Variants in PTPRG observed in about 807,000 individuals in gnomAD.
PTPRG encodes receptor-type tyrosine-protein phosphatase gamma.
Under a neutral mutation model 165.3 loss-of-function variants are expected in PTPRG, and 102 were observed. That is an observed-to-expected ratio of 0.62 (90% CI 0.53 to 0.73). The LOEUF is 0.73. Among genes scored for constraint, PTPRG ranks in the 30% least tolerant of loss-of-function variants. PTPRG has a pLI of 0.00. For missense variants in PTPRG, 1,866 were observed against 1,861.4 expected (o/e 1.00, Z -0.05); for synonymous variants, 675 against 669.5 (o/e 1.01, Z -0.13).
intron 2 of PTPRG, among the ~76,000 whole-genome samples, chr3:61,975,438 C>G (rs992180794): frequency 6.6e-6 from 1 of 152,128 alleles, no homozygotes; most frequent in Non-Finnish European, 1.5e-5. Context: ...TTTCCTTGAC[C>G]TCACTCTTGG....
intron 2 of PTPRG, among the ~76,000 whole-genome samples, chr3:61,820,690 G>A (rs911470874): frequency 6.8e-6 from 1 of 146,516 alleles, no homozygotes; most frequent in Non-Finnish European, 1.5e-5. Context: ...CATTAAAATG[G>A]AGAAAGCAGG....
intron 2 of PTPRG, among the ~76,000 whole-genome samples, chr3:61,940,368 G>A (rs772969981): frequency 7.9e-5 from 12 of 152,184 alleles, no homozygotes; most frequent in Non-Finnish European, 1.2e-4. Flanking sequence ...AGGTGAGATA[G>A]CACTGCTGGC....
At chr3:62,176,327 C>T (rs1235902810) in intron 8 of PTPRG, among the ~76,000 whole-genome samples, 7 of 152,102 alleles carry the variant, frequency 4.6e-5, no homozygotes, top group Non-Finnish European at 1.0e-4. Context: ...AGGTGTCTAA[C>T]GTTCAGAGAG....
At chr3:61,973,851 A>G (rs1253057904) in intron 2 of PTPRG, among the ~76,000 whole-genome samples, 1 of 151,986 alleles carries the variant, frequency 6.6e-6, no homozygotes. Flanking sequence ...TAAATAAATA[A>G]ATAAATAAAA....
chr3:61,881,989 C>T (rs2107472715), intron 2 of PTPRG, among the ~76,000 whole-genome samples: 1 of 152,320 alleles, frequency 6.6e-6, no homozygotes, highest in East Asian at 1.9e-4. Context: ...TACTGCTTTT[C>T]CTCATGGAGT....
At chr3:61,616,231 C>T (rs988990132) in intron 1 of PTPRG, among the ~76,000 whole-genome samples, 10 of 152,112 alleles carry the variant, frequency 6.6e-5, no homozygotes, top group Admixed American at 3.3e-4. Flanking sequence ...GGATTACAGG[C>T]GCGAGCCACC....
chr3:61,955,832 C>T (rs1288797839), intron 2 of PTPRG, among the ~76,000 whole-genome samples: 1 of 152,084 alleles, frequency 6.6e-6, no homozygotes, highest in African/African-American at 2.4e-5. Flanking sequence ...CCTTTAACAA[C>T]AGGTGATTTT....
intron 8 of PTPRG, among the ~76,000 whole-genome samples, chr3:62,181,053 T>G (rs576299547): frequency 6.6e-6 from 1 of 152,344 alleles, no homozygotes; most frequent in South Asian, 2.1e-4. Context: ...GCTGAGAAAC[T>G]GAATTGTAAT....
At chr3:62,260,881 A>T (rs1331269621) in intron 16 of PTPRG, 1 of 152,222 alleles carries the variant, frequency 6.6e-6, no homozygotes, top group African/African-American at 2.4e-5. Flanking sequence ...CAGATTTGAC[A>T]ATATTTATTA....
At chr3:61,709,324 AT>A (rs974817821) in intron 1 of PTPRG, among the ~76,000 whole-genome samples, 13 of 149,356 alleles carry the variant, frequency 8.7e-5, no homozygotes, top group African/African-American at 3.3e-4. Context: ...TTATTTATTT[AT>A]TTTTTTTGAA....
intron 1 of PTPRG, among the ~76,000 whole-genome samples, chr3:61,691,191 T>C (rs948378106): frequency 1.3e-5 from 2 of 152,102 alleles, no homozygotes; most frequent in Admixed American, 6.5e-5. Context: ...AGTGGGAGGA[T>C]TGCTTGAACC....
In PTPRG at chr3:62,168,062, G is replaced by A. The variant is rs1437859583; in HGVS notation, c.932G>A (p.Arg311His). The stretch of plus-strand genomic sequence containing the variant: ...AGAAATAACTTTCGACCACAGCAGC[G>A]TCTGCATGACAGGGTGGTGTCCAAG... ...YLRNNFRPQQ[R>H]LHDRVVSKSA... Residue 311 changes from arginine to histidine, a missense_variant, in exon 8 of 30, where the codon CGT becomes CAT. Arg to His is a conservative substitution (Grantham distance 29, BLOSUM62 0). Around this residue, in one of 3 missense-constraint regions of PTPRG, gnomAD observed 1,452 missense variants for 1,463.0 expected, o/e 0.99. Transcript: ENST00000474889. 6.8e-6 allele frequency: 11 copies of A among 1,613,772 alleles called. No homozygotes were observed. Among genetic ancestry groups the A allele is most frequent in the East Asian group, 4.5e-5 (2 of 44,872 alleles).
intron 2 of PTPRG, among the ~76,000 whole-genome samples, chr3:61,986,971 G>A (rs753839824): frequency 2.6e-5 from 4 of 151,784 alleles, no homozygotes; most frequent in Non-Finnish European, 4.4e-5. Flanking sequence ...GAAAAACAAA[G>A]CATTCAATAC....
chr3:62,127,164 A>C (rs1703323372), intron 5 of PTPRG, among the ~76,000 whole-genome samples: 1 of 152,230 alleles, frequency 6.6e-6, no homozygotes, highest in South Asian at 2.1e-4. Context: ...TTAATAAAGG[A>C]AGCCAGGCAG....
intron 8 of PTPRG, among the ~76,000 whole-genome samples, chr3:62,182,362 T>C (rs1705690134): frequency 6.6e-6 from 1 of 152,262 alleles, no homozygotes; most frequent in South Asian, 2.1e-4. Context: ...TACTGTAGTT[T>C]GTTGCCAACA....
chr3:61,588,613 T>C (rs939419598), intron 1 of PTPRG, among the ~76,000 whole-genome samples: 1 of 152,124 alleles, frequency 6.6e-6, no homozygotes, highest in African/African-American at 2.4e-5. Flanking sequence ...TCCCTGCTAA[T>C]TTTTTGTATT....
At chr3:61,879,370 C>T (rs937898977) in intron 2 of PTPRG, among the ~76,000 whole-genome samples, 10 of 152,204 alleles carry the variant, frequency 6.6e-5, no homozygotes, top group South Asian at 6.2e-4. Context: ...TCCCATTTAT[C>T]GAGGTCTTCT....
intron 2 of PTPRG, among the ~76,000 whole-genome samples, chr3:61,828,157 A>T (rs1437497722): frequency 2.0e-5 from 3 of 152,176 alleles, no homozygotes; most frequent in African/African-American, 7.2e-5. Flanking sequence ...CAGTCTATCA[A>T]GGTACATTAC....
At chr3:61,659,027 G>A (rs59410819) in intron 1 of PTPRG, among the ~76,000 whole-genome samples, 6 of 151,956 alleles carry the variant, frequency 3.9e-5, no homozygotes, top group Admixed American at 6.6e-5. Flanking sequence ...GCATGAGTTC[G>A]GCTGTTTTCT....
Sources: allele counts gnomAD v4.1 joint callset (sites outside exome capture counted in the v4.1 genomes callset), GRCh38; gene constraint gnomAD v4.1.1; regional missense constraint gnomAD v4.1.1; transcripts MANE v1.5; gene names NCBI Gene and HGNC (gene_info 2026-07-23, HGNC 2026-07-21).